Variants in ANK2 observed in about 807,000 individuals in gnomAD.
ANK2 encodes the protein ankyrin 2, also known as ankyrin-2.
ANK2 carries 83 observed loss-of-function variants against 360.5 expected under a neutral mutation model. The observed-to-expected ratio is 0.23, with a 90% confidence interval of 0.19 to 0.28. The LOEUF is 0.28. Among genes scored for constraint, ANK2 ranks in the 10% least tolerant of loss-of-function variants. ANK2 has a pLI of 1.00. For missense variants in ANK2, 4,201 were observed against 4,795.7 expected (o/e 0.88, Z 3.66); for synonymous variants, 1,740 against 1,759.5 (o/e 0.99, Z 0.28).
intron 6 of ANK2, 123 bp from the exon 7 acceptor site, chr4:113,237,476 T>C (rs970006060): frequency 3.1e-6 from 3 of 963,926 alleles, no homozygotes; most frequent in Non-Finnish European, 5.1e-6. Context: ...GATGTCTTCT[T>C]CCAGTAGAAT....
At chr4:113,237,400 C>A (rs1287029628) in intron 6 of ANK2, among the ~76,000 whole-genome samples, 199 bp from the exon 7 acceptor site, 1 of 152,140 alleles carries the variant, frequency 6.6e-6, no homozygotes, top group African/African-American at 2.4e-5. Flanking sequence ...AATCTGCTTT[C>A]TTATTCTGTT....
chr4:113,096,400 C>T lies in ANK2; in HGVS notation c.84+46588C>T, dbSNP rs72906190. On this transcript the variant is annotated intron_variant, in intron 1 of 45. Coordinates refer to ENST00000357077, the MANE Select transcript of ANK2 (RefSeq NM_001148.6). ...CGTTGGTAACCTGGGGCTGGTAAGGCGCTCCATGGGCTCAGGAATCCAGGG... is the reference window on the plus strand; with the variant it reads ...CGTTGGTAACCTGGGGCTGGTAAGGTGCTCCATGGGCTCAGGAATCCAGGG... Among the ~76,000 whole-genome samples, 1,212 of 152,218 alleles carry T rather than the reference C, an allele frequency of 8.0e-3. 14 individuals carry two copies. Among genetic ancestry groups the T allele is most frequent in the African/African-American group, 0.028 (1,146 of 41,548 alleles).
chr4:113,377,601 C>G (rs1031313778), intron 45 of ANK2, among the ~76,000 whole-genome samples: 3 of 152,104 alleles, frequency 2.0e-5, no homozygotes, highest in Non-Finnish European at 4.4e-5. Flanking sequence ...TATGTGTGTC[C>G]TCTACTATAC....
At chr4:113,304,254 A>G (rs565195156) in intron 23 of ANK2, among the ~76,000 whole-genome samples, 22 of 152,122 alleles carry the variant, frequency 1.4e-4, no homozygotes, top group Non-Finnish European at 2.6e-4. Context: ...CACTTTATTG[A>G]TGGGGAGGCA....
intron 1 of ANK2, among the ~76,000 whole-genome samples, chr4:112,853,000 C>T (rs1270870712): frequency 6.6e-6 from 1 of 152,050 alleles, no homozygotes; most frequent in African/African-American, 2.4e-5. Context: ...CTCTGTTGCC[C>T]AGGCTGGAGT....
chr4:113,250,757 C>CA (rs2045792880), intron 10 of ANK2, among the ~76,000 whole-genome samples: 2 of 123,276 alleles, frequency 1.6e-5, no homozygotes, highest in Non-Finnish European at 3.5e-5. Flanking sequence ...ATACCACCGC[C>CA]CCCCCCCCCG....
Position 113,353,869 on chromosome 4 carries a change from G to A in ANK2, c.5251G>A (p.Val1751Ile). 1.9e-6 allele frequency: 3 copies of A among 1,614,046 alleles called. No individual in the cohort carries two copies. The highest frequency in any genetic ancestry group is 2.5e-6 in the Non-Finnish European group (3 of 1,179,936). The change falls in exon 38 of 46, where the codon GTC becomes ATC. Residue 1751 changes from valine to isoleucine, a missense_variant. Coordinates refer to ENST00000357077, the MANE Select transcript of ANK2 (RefSeq NM_001148.6). ...PGLAPEPLPTVKATSPLIEET... is the reference protein window; with the variant it reads ...PGLAPEPLPTIKATSPLIEET... Reference sequence around the variant, plus strand: ...TTTAGCCCCTGAACCCCTTCCCACTGTCAAGGCCACATCTCCTTTGATAGA... The same window carrying A: ...TTTAGCCCCTGAACCCCTTCCCACTATCAAGGCCACATCTCCTTTGATAGA...
chr4:113,314,479 TC>T, intron 24 of ANK2, among the ~76,000 whole-genome samples: 1 of 152,212 alleles, frequency 6.6e-6, no homozygotes. Context: ...CCCTAGTACA[TC>T]CCCTAGATGA....
At chr4:112,748,885 C>A in the ANK2 span, among the ~76,000 whole-genome samples, 1 of 152,214 alleles carries the variant, frequency 6.6e-6, no homozygotes, top group East Asian at 1.9e-4. Flanking sequence ...GTGGACGGAC[C>A]TATGATTTTA....
chr4:113,064,512 G>A (rs1561811030), intron 1 of ANK2, among the ~76,000 whole-genome samples: 1 of 152,134 alleles, frequency 6.6e-6, no homozygotes, highest in Non-Finnish European at 1.5e-5. Context: ...TCCCATGACA[G>A]AAATCCCCTT....
At chr4:112,843,504 A>G (rs2062619183) in intron 1 of ANK2, among the ~76,000 whole-genome samples, 2 of 152,178 alleles carry the variant, frequency 1.3e-5, no homozygotes, top group African/African-American at 4.8e-5. Context: ...AGATAAGATT[A>G]AAAAACAAAA....
the ANK2 span, among the ~76,000 whole-genome samples, chr4:112,715,205 G>A: frequency 4.2e-5 from 6 of 142,538 alleles, no homozygotes; most frequent in South Asian, 4.6e-4. Flanking sequence ...TTGCAGCGCG[G>A]TGATTGGGTT....
At chr4:112,781,300 A>G in the ANK2 span, among the ~76,000 whole-genome samples, 1 of 152,110 alleles carries the variant, frequency 6.6e-6, no homozygotes, top group Non-Finnish European at 1.5e-5. Flanking sequence ...GGGTTTCACC[A>G]TGTTGGCCAG....
intron 17 of ANK2, among the ~76,000 whole-genome samples, chr4:113,282,065 A>G (rs2062624583): frequency 6.6e-6 from 1 of 152,220 alleles, no homozygotes; most frequent in African/African-American, 2.4e-5. Context: ...GAACCAGTTT[A>G]AAGTACAATC....
At chr4:113,269,797 C>T (rs1309805537) in intron 14 of ANK2, among the ~76,000 whole-genome samples, 3 of 152,190 alleles carry the variant, frequency 2.0e-5, no homozygotes, top group Non-Finnish European at 2.9e-5. Flanking sequence ...ACTCAAAACT[C>T]CTTTCTAGAC....
chr4:113,130,991 A>C (rs745414163), intron 1 of ANK2, among the ~76,000 whole-genome samples: 27 of 152,312 alleles, frequency 1.8e-4, no homozygotes, highest in Non-Finnish European at 3.4e-4. Flanking sequence ...GAGACAAAAA[A>C]ATTTCTGGAA....
At chr4:113,344,964 G>T (rs906120670) in intron 34 of ANK2, among the ~76,000 whole-genome samples, 1 of 152,096 alleles carries the variant, frequency 6.6e-6, no homozygotes, top group Non-Finnish European at 1.5e-5. Flanking sequence ...CAGTTAGGAA[G>T]ATTAACAAGT....
the ANK2 span, chr4:112,755,678 C>A: frequency 1.2e-5 from 2 of 168,462 alleles, no homozygotes; most frequent in Admixed American, 1.3e-4. Flanking sequence ...ATTTTCACTT[C>A]TTTTGTGGAT....
In ANK2 at chr4:112,931,440, T is replaced by C. The variant is rs55798106; in HGVS notation, c.21+26926T>C. Reference sequence around the variant, plus strand: ...CAAAGATTTCTTTCTTTTCTTTTTTTTTTTTTTTTTTTTTTTGGGACAGAG... The same window carrying C: ...CAAAGATTTCTTTCTTTTCTTTTTTCTTTTTTTTTTTTTTTTGGGACAGAG... On this transcript the variant is annotated intron_variant, in intron 2 of 30. Transcript: ENST00000503271. Among the ~76,000 whole-genome samples, 1,197 of 137,530 alleles carry C rather than the reference T, an allele frequency of 8.7e-3. 12 individuals are homozygous for C. Among genetic ancestry groups the C allele is most frequent in the African/African-American group, 0.03 (1,093 of 36,064 alleles). 90.2% of individuals were successfully genotyped at this position (137,530 alleles called of 152,430 possible).
Sources: allele counts gnomAD v4.1 joint callset (sites outside exome capture counted in the v4.1 genomes callset), GRCh38; gene constraint gnomAD v4.1.1; transcripts MANE v1.5; gene names NCBI Gene and HGNC (gene_info 2026-07-23, HGNC 2026-07-21).